LARP1: variants seen among roughly 807,000 people sequenced by gnomAD.
The protein encoded by LARP1 is la-related protein 1.
In LARP1, 36 loss-of-function variants were observed where a neutral mutation model predicts 122.7. That is an observed-to-expected ratio of 0.29 (90% confidence interval 0.22 to 0.39). The LOEUF (loss-of-function observed/expected upper bound fraction) is 0.39. Ranked by LOEUF, LARP1 falls within the 10% of genes least tolerant of loss-of-function variation. LARP1 has a pLI of 1.00. For synonymous variants in LARP1, 539 were observed against 528.7 expected (o/e 1.02, Z -0.27); for missense variants, 1,040 against 1,403.6 (o/e 0.74, Z 4.14).
upstream of LARP1, among the ~76,000 whole-genome samples, chr5:154,710,348 A>G (rs1755155237): frequency 6.6e-6 from 1 of 152,200 alleles, no homozygotes; most frequent in Non-Finnish European, 1.5e-5. Flanking sequence ...ACAGTGGCTT[A>G]TGCCTGTAAT....
chr5:154,741,889 A>C (rs1011253942), intron 1 of LARP1, among the ~76,000 whole-genome samples: 3 of 152,310 alleles, frequency 2.0e-5, no homozygotes, highest in Middle Eastern at 3.4e-3. Flanking sequence ...TTTACAAAAA[A>C]CACACCAGGC....
At chr5:154,689,044 C>T (rs1037165228) in intron 1 of LARP1, among the ~76,000 whole-genome samples, 19 of 152,348 alleles carry the variant, frequency 1.2e-4, no homozygotes, top group Admixed American at 9.8e-4. Flanking sequence ...TTGCGCCGGG[C>T]GCAGTGGCTC....
At chr5:154,801,334 A>G (rs1758339186) in intron 10 of LARP1, among the ~76,000 whole-genome samples, 1 of 152,228 alleles carries the variant, frequency 6.6e-6, no homozygotes, top group Admixed American at 6.5e-5. Flanking sequence ...TTCCGTAACC[A>G]TTCTTAGTCA....
intron 1 of LARP1, among the ~76,000 whole-genome samples, chr5:154,689,648 AAAG>A (rs1341308004): frequency 2.6e-5 from 4 of 151,694 alleles, no homozygotes; most frequent in African/African-American, 9.7e-5. Context: ...AAAGAAAAGA[AAAG>A]AAAAAACATT....
chr5:154,772,730 C>T (rs997772391), intron 1 of LARP1, among the ~76,000 whole-genome samples: 14 of 152,194 alleles, frequency 9.2e-5, no homozygotes, highest in Non-Finnish European at 1.8e-4. Flanking sequence ...TCTTGTTGCC[C>T]GGGCTGGAGT....
At chr5:154,694,901 A>G (rs1754396226) in intron 1 of LARP1, among the ~76,000 whole-genome samples, 1 of 149,710 alleles carries the variant, frequency 6.7e-6, no homozygotes, top group African/African-American at 2.5e-5. Context: ...TTTTTTTGTT[A>G]TTGTTGTTGA....
chr5:154,804,360 C>T lies in LARP1; in HGVS notation c.2546+53C>T, dbSNP rs552011145. 6.8e-5 allele frequency: 87 copies of T among 1,286,000 alleles called. No homozygotes were observed. The African/African-American group carries it at 9.0e-4, about 13-fold the overall frequency. The allele number at this position is 1,286,000 out of a possible 1,614,324, so 79.7% of individuals were successfully genotyped here. A position where few individuals can be genotyped will look rare whatever the true frequency, so the allele number is the denominator to read the frequency against. On this transcript the variant is annotated intron_variant, in intron 14 of 18. Coordinates refer to ENST00000518297, the MANE Select transcript of LARP1 (RefSeq NM_033551.3). The stretch of plus-strand genomic sequence containing the variant: ...TCAGGCTGCCTATGGGATGGGTGGG[C>T]GAGCCATGAAATTGACTGGACCAAG...
rs754986130 is a variant in LARP1 at position 154,799,930 on chromosome 5, T to A, written c.1604T>A (p.Val535Asp). The change falls in exon 10 of 19, where the codon GTC becomes GAC. Residue 535 changes from valine (V) to aspartate (D), a missense_variant. Around this residue, in one of 8 missense-constraint regions of LARP1, gnomAD observed 362 missense variants for 533.1 expected, o/e 0.68. Transcript: ENST00000518297. ...VTPVPTKTEE[V>D]SNLKTLPKGL... Reference sequence around the variant, plus strand: ...CCAGTGCCAACCAAAACAGAGGAGGTCAGCAACCTAAAGACACTACCCAAG... The same window carrying A: ...CCAGTGCCAACCAAAACAGAGGAGGACAGCAACCTAAAGACACTACCCAAG... 1 of 1,613,510 alleles carries A rather than the reference T, an allele frequency of 6.2e-7. No individual in the cohort carries two copies. The highest frequency in any genetic ancestry group is 8.5e-7 in the Non-Finnish European group (1 of 1,179,880).
At position 154,720,122 on chromosome 5, in the gene LARP1, C is replaced by T. The variant is rs1240878145; in HGVS notation, c.205+6992C>T. On this transcript the variant is annotated intron_variant, in intron 1 of 18. Coordinates refer to the LARP1 transcript ENST00000336314. ...AGGAGAATTGCTTGAACCTGGAAGGCGGAGGTTGCAGTGAGCTGAGATCGC... is the reference window on the plus strand; with the variant it reads ...AGGAGAATTGCTTGAACCTGGAAGGTGGAGGTTGCAGTGAGCTGAGATCGC... Among the ~76,000 whole-genome samples the T allele has an allele frequency of 3.9e-5, 6 of 152,074 alleles. No individual in the cohort carries two copies. In the South Asian group the frequency reaches 8.3e-4, roughly 21 times the overall value.
intron 1 of LARP1, among the ~76,000 whole-genome samples, chr5:154,779,379 A>G (rs1756212067): frequency 6.6e-6 from 1 of 152,108 alleles, no homozygotes; most frequent in African/African-American, 2.4e-5. Flanking sequence ...TGGTTAGTAC[A>G]TCCAAGAATG....
intron 1 of LARP1, among the ~76,000 whole-genome samples, chr5:154,724,154 G>C (rs1464427678): frequency 1.3e-5 from 2 of 152,232 alleles, no homozygotes; most frequent in African/African-American, 2.4e-5. Context: ...TAGAAAGAAA[G>C]CTGGAATAAG....
At chr5:154,734,358 A>G (rs549406437) in intron 1 of LARP1, among the ~76,000 whole-genome samples, 171 of 152,268 alleles carry the variant, frequency 1.1e-3, no homozygotes, top group Middle Eastern at 3.4e-3. Context: ...TTTTGTGGAC[A>G]TCAAGACAGA....
At chr5:154,697,267 G>T (rs1214645019) in intron 1 of LARP1, among the ~76,000 whole-genome samples, 1 of 146,296 alleles carries the variant, frequency 6.8e-6, no homozygotes. Context: ...AGGCAGGTTT[G>T]CATGACCCAG....
chr5:154,730,811 C>T (rs908536116), intron 1 of LARP1, among the ~76,000 whole-genome samples: 2 of 150,896 alleles, frequency 1.3e-5, no homozygotes, highest in African/African-American at 2.4e-5. Flanking sequence ...GGGTGCCTCT[C>T]ATACTCCCAT....
At chr5:154,739,021 T>C (rs1289397397) in intron 1 of LARP1, among the ~76,000 whole-genome samples, 1 of 152,154 alleles carries the variant, frequency 6.6e-6, no homozygotes, top group Non-Finnish European at 1.5e-5. Context: ...TTTGTTTGTT[T>C]GTTTGTTTGT....
chr5:154,759,754 G>A (rs1754292256), intron 1 of LARP1, among the ~76,000 whole-genome samples: 1 of 152,112 alleles, frequency 6.6e-6, no homozygotes, highest in Non-Finnish European at 1.5e-5. Context: ...ATTGGAAACT[G>A]TACTTCAGGT....
chr5:154,704,777 G>A (rs1388184420), intron 1 of LARP1, among the ~76,000 whole-genome samples: 1 of 151,498 alleles, frequency 6.6e-6, no homozygotes, highest in African/African-American at 2.4e-5. Flanking sequence ...CAATCTATAA[G>A]GGGACTTAAT....
upstream of LARP1, among the ~76,000 whole-genome samples, chr5:154,711,864 A>G (rs940901363): frequency 2.6e-5 from 4 of 152,118 alleles, no homozygotes; most frequent in Non-Finnish European, 5.9e-5. Flanking sequence ...CAGCTCTTCC[A>G]ATGTCTCGTT....
At chr5:154,794,565 CATTT>C (rs1757597923) in intron 7 of LARP1, among the ~76,000 whole-genome samples, 1 of 152,190 alleles carries the variant, frequency 6.6e-6, no homozygotes, top group Non-Finnish European at 1.5e-5. Context: ...AGAATACTAA[CATTT>C]ATTGAATCCT....
Sources: allele counts gnomAD v4.1 joint callset (sites outside exome capture counted in the v4.1 genomes callset), GRCh38; gene constraint gnomAD v4.1.1; regional missense constraint gnomAD v4.1.1; transcripts MANE v1.5; gene names NCBI Gene and HGNC (gene_info 2026-07-23, HGNC 2026-07-21).